HDHD5: variants seen among roughly 807,000 people sequenced by gnomAD.
HDHD5 encodes haloacid dehalogenase-like hydrolase domain-containing 5.
Under a neutral mutation model 35.5 loss-of-function variants are expected in HDHD5, and 34 were observed. That is an observed-to-expected ratio of 0.96 (90% CI 0.73 to 1.28). The LOEUF (loss-of-function observed/expected upper bound fraction) is 1.28. Ranked by LOEUF, HDHD5 falls within the 50% of genes most tolerant of loss-of-function variation. The pLI, the probability that HDHD5 is intolerant of heterozygous loss-of-function variation, is 0.00. For synonymous variants in HDHD5, 248 were observed against 240.6 expected, an observed-to-expected ratio of 1.03 and a Z score of -0.29; for missense variants, 589 against 560.2, an observed-to-expected ratio of 1.05 and a Z score of -0.52.
At chr22:17,138,813 C>CTAAGCAGCAAACA in intron 6 of HDHD5, 75 bp from the exon 7 acceptor site, 2 of 1,543,978 alleles carry the variant, frequency 1.3e-6, no homozygotes, top group Non-Finnish European at 1.8e-6. Flanking sequence ...CTGCCACTGT[C>CTAAGCAGCAAACA]TAAGCAGCAA....
chr22:17,143,848 C>G (rs1218465731), intron 4 of HDHD5, among the ~76,000 whole-genome samples: 16 of 152,228 alleles, frequency 1.1e-4, no homozygotes, highest in Middle Eastern at 3.2e-3. Context: ...TGGTCTGACT[C>G]AAGACCTGGG....
rs1260253671 is a variant in HDHD5 at position 17,137,843 on chromosome 22, G to A, written c.*178C>T. The A allele has an allele frequency of 5.0e-6, 3 of 595,146 alleles. No individual in the cohort carries two copies. The highest frequency in any genetic ancestry group is 8.9e-6 in the Non-Finnish European group (3 of 338,084). 36.9% of individuals were successfully genotyped at this position (595,146 alleles called of 1,614,324 possible). ...ACCGTTCCATACAAAATGCTACCCAGCAGGGAAAAAGAGTCACTGTCTTCT... is the reference window on the plus strand; with the variant it reads ...ACCGTTCCATACAAAATGCTACCCAACAGGGAAAAAGAGTCACTGTCTTCT... On this transcript the variant is annotated 3_prime_UTR_variant, in exon 8 of 8. Coordinates refer to ENST00000336737, the MANE Select transcript of HDHD5 (RefSeq NM_033070.3).
intron 2 of HDHD5, 24 bp downstream of exon 2, chr22:17,149,517 TC>T (rs753799289): frequency 6.2e-7 from 1 of 1,607,608 alleles, no homozygotes; most frequent in Non-Finnish European, 8.5e-7. Context: ...TCCTTGGGCT[TC>T]CATGCCTCTG....
chr22:17,145,159 A>G (rs765869148), intron 3 of HDHD5, 42 bp from the exon 4 acceptor site: 2 of 1,612,026 alleles, frequency 1.2e-6, no homozygotes, highest in South Asian at 2.2e-5. Flanking sequence ...GTTCTTGGGG[A>G]AGATGCCTTT....
At position 17,157,426 on chromosome 22, in the gene HDHD5, T is replaced by C. The variant is rs113824702; in HGVS notation, c.126+1700A>G. On this transcript the variant is annotated intron_variant, in intron 1 of 7. Transcript: ENST00000336737. ...GATTACAAGTAATAGATCCATTACA[T>C]AGATGGGGAAACTGAGCTTGGAAAG... is the stretch of plus-strand genomic sequence containing the variant. Among the ~76,000 whole-genome samples the C allele has an allele frequency of 6.6e-3, 1,005 of 152,152 alleles. 2 individuals are homozygous for C. The highest frequency in any genetic ancestry group is 0.011 in the Non-Finnish European group (723 of 68,016).
Position 17,149,742 on chromosome 22 carries a change from G to A in HDHD5, c.130C>T (p.Pro44Ser). Residue 44 changes from proline (P) to serine (S), a missense_variant, in exon 2 of 8, where the codon CCA (proline) becomes TCA (serine). Physicochemically the swap from Pro to Ser is moderately conservative, Grantham distance 74 (BLOSUM62 -1). Transcript: ENST00000336737. Reference protein sequence around the residue: ...RCYAVGPAQSPPTFGFLLDID... With the variant: ...RCYAVGPAQSSPTFGFLLDID... Reference sequence around the variant, plus strand: ...TCCAACAGGAACCCAAAGGTGGGTGGGCTCTGCAGAGATGGTAAGATAATT... The same window carrying A: ...TCCAACAGGAACCCAAAGGTGGGTGAGCTCTGCAGAGATGGTAAGATAATT... The A allele has an allele frequency of 1.2e-6, 2 of 1,613,876 alleles. No homozygotes were observed. Among genetic ancestry groups the A allele is most frequent in the Non-Finnish European group, 1.7e-6 (2 of 1,179,936 alleles).
chr22:17,144,020 C>T (rs947204785), intron 4 of HDHD5, among the ~76,000 whole-genome samples: 12 of 152,180 alleles, frequency 7.9e-5, no homozygotes, highest in African/African-American at 2.9e-4. Context: ...GGCAGATGTG[C>T]AGACTGACCA....
At chr22:17,141,342 C>T in intron 5 of HDHD5, 109 bp from the exon 6 acceptor site, 1 of 1,448,600 alleles carries the variant, frequency 6.9e-7, no homozygotes, top group South Asian at 1.5e-5. Flanking sequence ...CCATGGTGCA[C>T]CCAGCTGGGC....
intron 3 of HDHD5, among the ~76,000 whole-genome samples, chr22:17,147,384 A>G (rs1346377597): frequency 9.3e-6 from 1 of 108,092 alleles, no homozygotes; most frequent in Non-Finnish European, 1.9e-5. Context: ...CCGGCCTTCG[A>G]TCACATGCCA....
chr22:17,159,783 G>T (rs2061849399), upstream of HDHD5: 1 of 284,246 alleles, frequency 3.5e-6, no homozygotes, highest in Non-Finnish European at 6.8e-6. Flanking sequence ...GACTGCGCAC[G>T]TGAGTCCGCC....
In HDHD5 at chr22:17,141,195, T is replaced by G; in HGVS notation, c.610A>C (p.Ser204Arg). The G allele has an allele frequency of 6.3e-7, 1 of 1,598,526 alleles. No individual in the cohort carries two copies. Among genetic ancestry groups the G allele is most frequent in the Non-Finnish European group, 8.5e-7 (1 of 1,172,984 alleles). Residue 204 changes from serine (S) to arginine (R), a missense_variant, in exon 6 of 8, where the codon AGC (serine) becomes CGC (arginine). Coordinates refer to ENST00000336737, the MANE Select transcript of HDHD5 (RefSeq NM_033070.3). ...LLGEPVRWET[S>R]LQLIMDVLLS... Reference sequence around the variant, plus strand: ...AGGACATCCATGATCAGCTGCAGGCTGGTCTCCCAGCGGACCGGCTCCCCT... The same window carrying G: ...AGGACATCCATGATCAGCTGCAGGCGGGTCTCCCAGCGGACCGGCTCCCCT...
intron 1 of HDHD5, among the ~76,000 whole-genome samples, chr22:17,150,113 C>A (rs2061710110): frequency 6.6e-6 from 1 of 152,088 alleles, no homozygotes; most frequent in Non-Finnish European, 1.5e-5. Flanking sequence ...CCGAGTCCAG[C>A]CTAATCCCAA....
chr22:17,161,002 C>G (rs1211602432), upstream of HDHD5, among the ~76,000 whole-genome samples: 1 of 152,172 alleles, frequency 6.6e-6, no homozygotes, highest in Non-Finnish European at 1.5e-5. Context: ...CACCTGTAAT[C>G]CCAGCACTTT....
chr22:17,137,856 G>A lies in HDHD5; in HGVS notation c.*165C>T, dbSNP rs1022767495. ...AAATGCTACCCAGCAGGGAAAAAGA[G>A]TCACTGTCTTCTTCCAAGTGACCAG... On this transcript the variant is annotated 3_prime_UTR_variant, in exon 8 of 8. Transcript: ENST00000336737. 13 of 608,822 alleles carry A rather than the reference G, an allele frequency of 2.1e-5. No individual in the cohort carries two copies. The highest frequency in any genetic ancestry group is 4.3e-4 in the Middle Eastern group (1 of 2,302). 37.7% of individuals were successfully genotyped at this position (608,822 alleles called of 1,614,324 possible). A position where few individuals can be genotyped will look rare whatever the true frequency, so the allele number is the denominator to read the frequency against.
upstream of HDHD5, chr22:17,159,586 C>T (rs747126369): frequency 9.3e-6 from 4 of 428,686 alleles, no homozygotes; most frequent in East Asian, 9.2e-5. Context: ...GCCGGCCTCC[C>T]TCAGCTTCGC....
chr22:17,138,236 T>A lies in HDHD5; in HGVS notation c.1057A>T (p.Ser353Cys). The A allele has an allele frequency of 6.2e-7, 1 of 1,614,216 alleles. No homozygotes were observed. The highest frequency in any genetic ancestry group is 8.5e-7 in the Non-Finnish European group (1 of 1,180,042). The stretch of plus-strand genomic sequence containing the variant: ...ACCAGGATGGAGATGCAGCTCTGGC[T>A]TGCTGAGGGCTGTTGCTGCCGTGTG... ...GGTRQQQPSA[S>C]QSCISILVCT... Residue 353 changes from serine to cysteine, a missense_variant, in exon 8 of 8, where the codon AGC becomes TGC. Transcript: ENST00000336737.
At chr22:17,154,010 C>G (rs1176639939) in intron 1 of HDHD5, among the ~76,000 whole-genome samples, 1 of 151,944 alleles carries the variant, frequency 6.6e-6, no homozygotes, top group Non-Finnish European at 1.5e-5. Flanking sequence ...TGCGCACCAC[C>G]AAACCCACCT....
At chr22:17,159,309 C>T (rs1036708810), upstream of HDHD5, 15 of 1,178,416 alleles carry the variant, frequency 1.3e-5, no homozygotes, top group African/African-American at 3.5e-5. Context: ...GCGAGTCCGT[C>T]CGCTGCACAG....
chr22:17,160,660 A>ATAAT (rs1568955898), upstream of HDHD5, among the ~76,000 whole-genome samples: 7 of 149,162 alleles, frequency 4.7e-5, no homozygotes, highest in African/African-American at 1.7e-4. Context: ...AAAAAAAAAA[A>ATAAT]AATAATAATA....
Sources: gnomAD v4.1 joint callset for allele counts (sites outside exome capture counted in the v4.1 genomes callset) on GRCh38, gnomAD v4.1.1 for gene constraint, MANE v1.5 for transcripts, NCBI Gene and HGNC (gene_info 2026-07-23, HGNC 2026-07-21) for gene names.